The following SGCZ variants were observed in gnomAD, a reference collection of about 807,000 sequenced individuals.
SGCZ encodes the protein zeta-sarcoglycan.
A neutral mutation model predicts 41.3 loss-of-function variants in SGCZ; 40 were observed. The ratio of observed to expected loss-of-function variants is 0.97; its 90% CI spans 0.75 to 1.26. The LOEUF is 1.26. SGCZ is among the 50% of genes most tolerant of loss of function. The pLI, the probability that SGCZ is intolerant of heterozygous loss-of-function variation, is 0.00. For synonymous variants in SGCZ, 206 were observed against 137.5 expected, an observed-to-expected ratio of 1.50 and a Z score of -3.49; for missense variants, 552 against 369.8, an observed-to-expected ratio of 1.49 and a Z score of -4.04.
chr8:15,166,903 A>T (rs1431265437), intron 1 of SGCZ, among the ~76,000 whole-genome samples: 1 of 152,218 alleles, frequency 6.6e-6, no homozygotes, highest in African/African-American at 2.4e-5. Flanking sequence ...ATTCACAAAG[A>T]GCTGAAATGT....
At chr8:14,856,251 C>T (rs1371901480) in intron 1 of SGCZ, among the ~76,000 whole-genome samples, 1 of 152,128 alleles carries the variant, frequency 6.6e-6, no homozygotes. Context: ...AATCTACATA[C>T]TGGCACATCG....
intron 5 of SGCZ, among the ~76,000 whole-genome samples, chr8:14,111,181 G>C (rs1019868077): frequency 2.6e-5 from 4 of 152,054 alleles, no homozygotes; most frequent in African/African-American, 9.7e-5. Flanking sequence ...ATGACACTGA[G>C]CTCATTTGAA....
At chr8:14,573,753 C>T (rs1331271748) in intron 1 of SGCZ, among the ~76,000 whole-genome samples, 1 of 151,886 alleles carries the variant, frequency 6.6e-6, no homozygotes, top group Admixed American at 6.6e-5. Flanking sequence ...AAATATTCAA[C>T]GAATAGTATA....
intron 2 of SGCZ, among the ~76,000 whole-genome samples, chr8:14,411,380 A>G (rs1481720961): frequency 6.6e-6 from 1 of 152,258 alleles, no homozygotes; most frequent in East Asian, 1.9e-4. Flanking sequence ...TCTGTTACTT[A>G]TGGAAATTCT....
At chr8:14,168,927 T>G (rs1299426044) in intron 4 of SGCZ, among the ~76,000 whole-genome samples, 1 of 152,130 alleles carries the variant, frequency 6.6e-6, no homozygotes, top group Non-Finnish European at 1.5e-5. Context: ...ATAAATTAAT[T>G]AATTTAATCC....
chr8:14,855,372 G>A (rs1293178670), intron 1 of SGCZ, among the ~76,000 whole-genome samples: 1 of 152,064 alleles, frequency 6.6e-6, no homozygotes, highest in East Asian at 1.9e-4. Context: ...CTTGATCTGG[G>A]TATCAAGTCT....
At chr8:15,178,759 GA>G (rs889945465) in intron 1 of SGCZ, among the ~76,000 whole-genome samples, 79 of 151,932 alleles carry the variant, frequency 5.2e-4, no homozygotes, top group African/African-American at 1.9e-3. Context: ...ATCACACAGG[GA>G]ATAATTACGA....
intron 1 of SGCZ, among the ~76,000 whole-genome samples, chr8:14,571,724 G>A (rs1804561230): frequency 1.3e-5 from 2 of 152,104 alleles, no homozygotes; most frequent in Non-Finnish European, 2.9e-5. Flanking sequence ...AGTGACGTTT[G>A]TATATTACAT....
chr8:14,575,086 A>G (rs1033548493), intron 1 of SGCZ, among the ~76,000 whole-genome samples: 4 of 152,226 alleles, frequency 2.6e-5, no homozygotes, highest in South Asian at 2.1e-4. Context: ...TTTGAATTAG[A>G]GCAAACTGAT....
At chr8:15,198,232 A>G (rs901787330) in intron 1 of SGCZ, among the ~76,000 whole-genome samples, 3 of 151,784 alleles carry the variant, frequency 2.0e-5, no homozygotes, top group Non-Finnish European at 4.4e-5. Context: ...ATCTTCACCT[A>G]TTTGCATTTT....
intron 4 of SGCZ, among the ~76,000 whole-genome samples, chr8:14,190,117 A>G (rs1339994428): frequency 1.4e-5 from 2 of 144,096 alleles, no homozygotes; most frequent in South Asian, 2.1e-4. Context: ...GGTTCACGCC[A>G]TTCTCCTGCC....
At position 14,295,244 on chromosome 8, in the gene SGCZ, C is replaced by T. The variant is rs180847317; in HGVS notation, c.336+28859G>A. Among the ~76,000 whole-genome samples, 28 of 152,264 alleles carry T rather than the reference C, an allele frequency of 1.8e-4. No homozygotes were observed. In the East Asian group the frequency reaches 5.2e-3, roughly 28 times the overall value. ...TATAGTCAATCCATGCAGTGGGTTG[C>T]TATTCACCCATGAAAGGGAACAAGA... On this transcript the variant is annotated intron_variant, in intron 3 of 7. Transcript: ENST00000382080.
intron 2 of SGCZ, among the ~76,000 whole-genome samples, chr8:14,427,208 G>A (rs1276645400): frequency 1.3e-5 from 2 of 152,018 alleles, no homozygotes; most frequent in Non-Finnish European, 2.9e-5. Flanking sequence ...AGGATAAAGA[G>A]GTTCAGGAAA....
intron 3 of SGCZ, among the ~76,000 whole-genome samples, chr8:14,274,431 G>T (rs921687512): frequency 6.6e-6 from 1 of 151,994 alleles, no homozygotes; most frequent in Non-Finnish European, 1.5e-5. Flanking sequence ...ACTCAGATAG[G>T]GTTTAACAAG....
At chr8:14,781,770 C>G (rs535864340) in intron 1 of SGCZ, among the ~76,000 whole-genome samples, 114 of 152,188 alleles carry the variant, frequency 7.5e-4, no homozygotes, top group African/African-American at 2.6e-3. Context: ...AAATCACTGC[C>G]TAGCCTACCT....
chr8:15,216,977 G>A (rs1801424377), intron 1 of SGCZ, among the ~76,000 whole-genome samples: 1 of 152,028 alleles, frequency 6.6e-6, no homozygotes, highest in Admixed American at 6.5e-5. Flanking sequence ...TCATATTGAA[G>A]ACAATCTTTC....
At chr8:14,274,705 AT>A (rs888637695) in intron 3 of SGCZ, among the ~76,000 whole-genome samples, 1 of 151,794 alleles carries the variant, frequency 6.6e-6, no homozygotes, top group East Asian at 1.9e-4. Flanking sequence ...TTCTTCATAC[AT>A]TTTTTTCCAC....
rs574366914 is a variant in SGCZ, at chr8:14,358,621, T to C, written c.235-34417A>G. Among the ~76,000 whole-genome samples the C allele has an allele frequency of 5.3e-5, 8 of 152,264 alleles. No individual in the cohort carries two copies. In the East Asian group the frequency reaches 7.7e-4, roughly 15 times the overall value. ...AAATATCCTGTAAGGTATATATATATATTTTTTTGAGATGGAGTCTTGCTC... is the reference window on the plus strand; with the variant it reads ...AAATATCCTGTAAGGTATATATATACATTTTTTTGAGATGGAGTCTTGCTC... On this transcript the variant is annotated intron_variant, in intron 2 of 7. Coordinates refer to ENST00000382080, the MANE Select transcript of SGCZ (RefSeq NM_139167.4).
chr8:14,556,065 AT>A (rs1229132548), intron 1 of SGCZ, among the ~76,000 whole-genome samples: 2 of 151,936 alleles, frequency 1.3e-5, no homozygotes, highest in Non-Finnish European at 2.9e-5. Context: ...AAGCAAATGC[AT>A]TTTTTACTGT....
Sources: allele counts gnomAD v4.1 joint callset (sites outside exome capture counted in the v4.1 genomes callset), GRCh38; gene constraint gnomAD v4.1.1; transcripts MANE v1.5; gene names NCBI Gene and HGNC (gene_info 2026-07-23, HGNC 2026-07-21).